SLC38A11: variants seen among roughly 807,000 people sequenced by gnomAD.
The protein encoded by SLC38A11 is solute carrier family 38 member 11, also known as putative sodium-coupled neutral amino acid transporter 11.
In SLC38A11, 51 loss-of-function variants were observed where a neutral mutation model predicts 49.4. The ratio of observed to expected loss-of-function variants is 1.03; its 90% confidence interval spans 0.83 to 1.30. The LOEUF (loss-of-function observed/expected upper bound fraction) is 1.30, where lower values mean the gene tolerates loss of function less well. SLC38A11 is among the 50% of genes most tolerant of loss of function. The pLI is 0.00. For synonymous variants in SLC38A11, 203 were observed against 192.9 expected, an observed-to-expected ratio of 1.05 and a Z score of -0.43; for missense variants, 574 against 556.2, an observed-to-expected ratio of 1.03 and a Z score of -0.32.
At chr2:164,952,919 G>C (rs1688621866) in intron 2 of SLC38A11, 138 bp from the exon 3 acceptor site, 2 of 651,600 alleles carry the variant, frequency 3.1e-6, no homozygotes, top group Non-Finnish European at 5.5e-6. Flanking sequence ...TTGCACATAG[G>C]ACAGAATTAA....
At chr2:164,921,357 G>T (rs1573930365) in intron 7 of SLC38A11, among the ~76,000 whole-genome samples, 1 of 152,038 alleles carries the variant, frequency 6.6e-6, no homozygotes. Flanking sequence ...GTGAGACAGG[G>T]TCTCACTGTA....
At chr2:164,948,934 C>T (rs1688325264) in intron 3 of SLC38A11, among the ~76,000 whole-genome samples, 1 of 150,900 alleles carries the variant, frequency 6.6e-6, no homozygotes, top group Non-Finnish European at 1.5e-5. Context: ...GTATCTCCTC[C>T]TCCCTAGAAC....
intron 7 of SLC38A11, among the ~76,000 whole-genome samples, chr2:164,927,613 A>T (rs941066803): frequency 2.0e-5 from 3 of 152,160 alleles, no homozygotes; most frequent in African/African-American, 7.2e-5. Context: ...TCATCTCTGC[A>T]TCACACACAT....
At chr2:164,930,048 A>G (rs1158617278) in intron 7 of SLC38A11, among the ~76,000 whole-genome samples, 2 of 152,074 alleles carry the variant, frequency 1.3e-5, no homozygotes, top group Admixed American at 1.3e-4. Context: ...AAATAAATAT[A>G]ATTAAAAACG....
chr2:164,942,057 G>C (rs1218237996), intron 5 of SLC38A11, among the ~76,000 whole-genome samples: 1 of 152,130 alleles, frequency 6.6e-6, no homozygotes, highest in East Asian at 1.9e-4. Context: ...CACTGGGCTT[G>C]TCTGTGTTTT....
At chr2:164,923,818 A>C (rs2105475538) in intron 7 of SLC38A11, among the ~76,000 whole-genome samples, 1 of 152,032 alleles carries the variant, frequency 6.6e-6, no homozygotes, top group Non-Finnish European at 1.5e-5. Flanking sequence ...AAAAAAAACA[A>C]ATGTTAGTGG....
At chr2:164,922,342 GAC>G (rs1219598349) in intron 7 of SLC38A11, 2 of 152,176 alleles carry the variant, frequency 1.3e-5, no homozygotes, top group African/African-American at 4.8e-5. Context: ...TGCTTTGGAT[GAC>G]ACAAAACAAA....
chr2:164,944,512 T>C (rs1687979990), intron 5 of SLC38A11, 57 bp downstream of exon 5: 2 of 765,494 alleles, frequency 2.6e-6, no homozygotes, highest in East Asian at 6.7e-5. Context: ...ATGTTAACTA[T>C]AAATAACTAT....
chr2:164,929,403 T>C (rs2105483640), intron 7 of SLC38A11, among the ~76,000 whole-genome samples: 1 of 152,252 alleles, frequency 6.6e-6, no homozygotes, highest in Non-Finnish European at 1.5e-5. Flanking sequence ...TAGGCCATGA[T>C]GATAGGGTCT....
intron 7 of SLC38A11, among the ~76,000 whole-genome samples, chr2:164,929,779 A>AT (rs1450763692): frequency 6.6e-6 from 1 of 152,094 alleles, no homozygotes. Flanking sequence ...TAATTTATAC[A>AT]TCATCAAAAA....
intron 7 of SLC38A11, among the ~76,000 whole-genome samples, chr2:164,917,326 TC>T (rs1292970317): frequency 2.0e-5 from 3 of 152,172 alleles, no homozygotes; most frequent in Admixed American, 2.0e-4. Context: ...TTGTTTGTTG[TC>T]CACACTTTGT....
intron 7 of SLC38A11, among the ~76,000 whole-genome samples, chr2:164,925,722 T>C (rs1686527303): frequency 6.6e-6 from 1 of 152,210 alleles, no homozygotes; most frequent in South Asian, 2.1e-4. Context: ...ACTGAGGTTA[T>C]CTCTTATGTG....
chr2:164,914,720 G>T (rs945713625), intron 9 of SLC38A11, among the ~76,000 whole-genome samples: 2 of 151,946 alleles, frequency 1.3e-5, no homozygotes, highest in Non-Finnish European at 2.9e-5. Context: ...TTTCCTCTAA[G>T]GGAGGAAAAT....
intron 11 of SLC38A11, among the ~76,000 whole-genome samples, chr2:164,904,107 G>A (rs938757640): frequency 6.6e-6 from 1 of 152,072 alleles, no homozygotes; most frequent in South Asian, 2.1e-4. Flanking sequence ...GCTCTTGCTG[G>A]CATTTGGCTT....
intron 10 of SLC38A11, among the ~76,000 whole-genome samples, chr2:164,910,446 G>A (rs1298544418): frequency 6.6e-6 from 1 of 151,990 alleles, no homozygotes; most frequent in South Asian, 2.1e-4. Context: ...GTTTCGAAAG[G>A]CTCTTAAATT....
At chr2:164,907,302 C>T (rs1166336535) in intron 11 of SLC38A11, among the ~76,000 whole-genome samples, 2 of 122,096 alleles carry the variant, frequency 1.6e-5, no homozygotes, top group Non-Finnish European at 3.2e-5. Context: ...GAGACCGGGT[C>T]TCACTCTGTT....
At chr2:164,947,846 TG>T (rs953419182) in intron 3 of SLC38A11, among the ~76,000 whole-genome samples, 1 of 152,202 alleles carries the variant, frequency 6.6e-6, no homozygotes, top group Non-Finnish European at 1.5e-5. Flanking sequence ...ACTTGCCTTA[TG>T]GTAGAGCTTT....
chr2:164,917,833 C>T (rs947731625), intron 7 of SLC38A11, among the ~76,000 whole-genome samples: 1 of 151,788 alleles, frequency 6.6e-6, no homozygotes, highest in Non-Finnish European at 1.5e-5. Context: ...AATTTTTTCC[C>T]TGGGTCCATA....
Position 164,908,637 on chromosome 2 carries a change from C to T in SLC38A11, c.1095+3G>A. On this transcript the variant is annotated splice_donor_region_variant and intron_variant, in intron 11 of 11. Transcript: ENST00000685975. ...GAAGGGGTAAATCTTTGCACGTACTCACATTGAGTTCTAGAACTATCCCGA... is the reference window on the plus strand; with the variant it reads ...GAAGGGGTAAATCTTTGCACGTACTTACATTGAGTTCTAGAACTATCCCGA... The T allele has an allele frequency of 6.5e-7, 1 of 1,537,808 alleles. No individual in the cohort carries two copies. The highest frequency in any genetic ancestry group is 8.8e-7 in the Non-Finnish European group (1 of 1,137,114).
Sources: gnomAD v4.1 joint callset for allele counts (sites outside exome capture counted in the v4.1 genomes callset) on GRCh38, gnomAD v4.1.1 for gene constraint, MANE v1.5 for transcripts, NCBI Gene and HGNC (gene_info 2026-07-23, HGNC 2026-07-21) for gene names.